IL1RAPL1: variants seen among roughly 807,000 people sequenced by gnomAD.
IL1RAPL1 encodes the protein interleukin-1 receptor accessory protein-like 1.
In IL1RAPL1, 3 loss-of-function variants were observed where a neutral mutation model predicts 48.4. The observed-to-expected ratio is 0.06, with a 90% CI of 0.03 to 0.16. The LOEUF (loss-of-function observed/expected upper bound fraction) is 0.16, where lower values mean the gene tolerates loss of function less well. IL1RAPL1 is among the 10% of genes least tolerant of loss of function. IL1RAPL1 has a pLI of 1.00. For synonymous variants in IL1RAPL1, 185 were observed against 187.7 expected, an observed-to-expected ratio of 0.99 and a Z score of 0.12; for missense variants, 349 against 530.6, an observed-to-expected ratio of 0.66 and a Z score of 3.36.
chrX:29,506,340 G>A (rs1458237247), intron 5 of IL1RAPL1, among the ~76,000 whole-genome samples: 1 of 111,316 alleles, frequency 9.0e-6, no homozygotes, highest in African/African-American at 3.3e-5. Flanking sequence ...ATTTATTCCA[G>A]TGTTCCTTGT....
At chrX:29,364,306 C>A (rs1374896127) in intron 3 of IL1RAPL1, among the ~76,000 whole-genome samples, 1 of 110,608 alleles carries the variant, frequency 9.0e-6, no homozygotes, top group Non-Finnish European at 1.9e-5. Context: ...CACCTGTAAT[C>A]CCAGCACTTT....
chrX:29,246,056 G>A (rs1024619923), intron 2 of IL1RAPL1, among the ~76,000 whole-genome samples: 9 of 103,663 alleles, frequency 8.7e-5, no homozygotes, highest in African/African-American at 2.0e-4. Flanking sequence ...ATTCTGCACC[G>A]TAGTACTTTT....
chrX:28,703,667 C>G (rs1216886292), intron 1 of IL1RAPL1, among the ~76,000 whole-genome samples: 1 of 111,567 alleles, frequency 9.0e-6, no homozygotes, highest in Non-Finnish European at 1.9e-5. Flanking sequence ...TGCAACACCT[C>G]TGTACCACTC....
chrX:29,522,356 G>T (rs957145302), intron 5 of IL1RAPL1, among the ~76,000 whole-genome samples: 6 of 110,241 alleles, frequency 5.4e-5, no homozygotes, highest in Admixed American at 9.7e-5. Context: ...CTACGAGGTC[G>T]CATTATATTG....
intron 1 of IL1RAPL1, among the ~76,000 whole-genome samples, chrX:28,755,071 G>T: frequency 9.0e-6 from 1 of 111,227 alleles, no homozygotes; most frequent in Non-Finnish European, 1.9e-5. Context: ...TTGGCTCACC[G>T]CAACCTCTGC....
intron 1 of IL1RAPL1, among the ~76,000 whole-genome samples, chrX:28,767,732 T>C (rs939613727): frequency 6.3e-5 from 7 of 110,628 alleles, no homozygotes; most frequent in African/African-American, 2.3e-4. Context: ...TGTGTGTGTG[T>C]GTGTGTGTGT....
Position 29,613,221 on chromosome X carries a change from C to A in IL1RAPL1, c.704-55209C>A, listed in dbSNP as rs138520033. Among the ~76,000 whole-genome samples, 412 of 112,138 alleles carry A rather than the reference C, an allele frequency of 3.7e-3. 2 individuals are homozygous for A. The highest frequency in any genetic ancestry group is 0.027 in the East Asian group (97 of 3,563). ...ATTTTAATAGTATATTTAGTTAACCCAGTATTTACAAAATATTGTTATTTC... is the reference window on the plus strand; with the variant it reads ...ATTTTAATAGTATATTTAGTTAACCAAGTATTTACAAAATATTGTTATTTC... On this transcript the variant is annotated intron_variant, in intron 5 of 10. Transcript: ENST00000378993.
intron 2 of IL1RAPL1, among the ~76,000 whole-genome samples, chrX:29,277,189 T>C (rs147073985): frequency 8.9e-6 from 1 of 112,129 alleles, no homozygotes; most frequent in Non-Finnish European, 1.9e-5. Context: ...GATTTTCTTG[T>C]AGGATGACGT....
chrX:29,752,080 GTATATA>G (rs757287803), intron 6 of IL1RAPL1, among the ~76,000 whole-genome samples: 13 of 85,312 alleles, frequency 1.5e-4, no homozygotes, highest in African/African-American at 2.1e-4. Context: ...ATGTGTGTAT[GTATATA>G]TATATATATA....
At chrX:29,548,333 T>C (rs1320162325) in intron 5 of IL1RAPL1, among the ~76,000 whole-genome samples, 1 of 112,594 alleles carries the variant, frequency 8.9e-6, no homozygotes, top group Non-Finnish European at 1.9e-5. Context: ...TTTTCAGTGC[T>C]GTCATTTTCT....
chrX:29,576,615 T>C (rs968398878), intron 5 of IL1RAPL1, among the ~76,000 whole-genome samples: 1 of 111,788 alleles, frequency 8.9e-6, no homozygotes, highest in Non-Finnish European at 1.9e-5. Flanking sequence ...GCTTTTCTTT[T>C]TTTTCAACAT....
chrX:29,376,377 TA>T lies in IL1RAPL1; in HGVS notation c.363-19880del, dbSNP rs199631066. On this transcript the variant is annotated intron_variant, in intron 3 of 10. Transcript: ENST00000378993. ...TAATTTTTGTGTATTTGTATAGTTT[TA>T]TTTTTTTTTTTAGAAAGTGTCTCAC... 3.2e-4 allele frequency among the ~76,000 whole-genome samples: 35 copies of T among 108,199 alleles called. 1 individual carries two copies. The highest frequency in any genetic ancestry group is 7.8e-4 in the South Asian group (2 of 2,557). The allele number at this position is 108,199 out of a possible 115,157, so 94.0% of individuals were successfully genotyped here. A position where few individuals can be genotyped will look rare whatever the true frequency, so the allele number is the denominator to read the frequency against.
At chrX:29,657,695 T>C (rs1925723010) in intron 5 of IL1RAPL1, among the ~76,000 whole-genome samples, 1 of 111,648 alleles carries the variant, frequency 9.0e-6, no homozygotes, top group Admixed American at 9.6e-5. Context: ...TTTTATCTGC[T>C]AATAGAAAGA....
chrX:28,697,292 T>G (rs1935243493), intron 1 of IL1RAPL1, among the ~76,000 whole-genome samples: 2 of 110,892 alleles, frequency 1.8e-5, no homozygotes, highest in Admixed American at 9.7e-5. Flanking sequence ...TTTTCTGCAT[T>G]TCAAATTATT....
intron 2 of IL1RAPL1, among the ~76,000 whole-genome samples, chrX:29,160,205 T>C (rs1243497594): frequency 1.8e-5 from 2 of 112,099 alleles, no homozygotes; most frequent in African/African-American, 6.5e-5. Context: ...TTCTCAGATA[T>C]ATTCACAGCA....
intron 2 of IL1RAPL1, among the ~76,000 whole-genome samples, chrX:29,001,554 G>A (rs1456606049): frequency 8.9e-6 from 1 of 112,160 alleles, no homozygotes; most frequent in Non-Finnish European, 1.9e-5. Flanking sequence ...GCTGGAATGA[G>A]TGAATACTTT....
chrX:29,340,898 G>A (rs1430494484), intron 3 of IL1RAPL1, among the ~76,000 whole-genome samples: 2 of 111,675 alleles, frequency 1.8e-5, no homozygotes, highest in East Asian at 5.6e-4. Flanking sequence ...AACATCTAGT[G>A]CCCTTAAAAA....
intron 5 of IL1RAPL1, among the ~76,000 whole-genome samples, chrX:29,443,231 GCTCTCTCT>G (rs376805298): frequency 3.2e-5 from 3 of 93,961 alleles, no homozygotes; most frequent in African/African-American, 7.8e-5. Flanking sequence ...GCTCTCGCTT[GCTCTCTCT>G]CTCTCTCTCT....
At chrX:29,331,081 C>T (rs751490596) in intron 3 of IL1RAPL1, among the ~76,000 whole-genome samples, 2 of 111,215 alleles carry the variant, frequency 1.8e-5, no homozygotes, top group South Asian at 3.8e-4. Flanking sequence ...GCGGGAGAAT[C>T]GCTTCAACCC....
Sources: allele counts gnomAD v4.1 joint callset (sites outside exome capture counted in the v4.1 genomes callset), GRCh38; gene constraint gnomAD v4.1.1; transcripts MANE v1.5; gene names NCBI Gene and HGNC (gene_info 2026-07-23, HGNC 2026-07-21).